Variants in PPFIA2 observed in about 807,000 individuals in gnomAD.
PPFIA2 encodes the protein liprin-alpha-2.
In PPFIA2, 46 loss-of-function variants were observed where a neutral mutation model predicts 175.5. That is an observed-to-expected ratio of 0.26 (90% CI 0.21 to 0.34). PPFIA2 has a LOEUF of 0.34. PPFIA2 is among the 10% of genes least tolerant of loss of function. The probability of loss-of-function intolerance (pLI) is 1.00; values close to 1 mark genes in which losing one functional copy is unlikely to be tolerated. For synonymous variants in PPFIA2, 568 were observed against 511.4 expected (o/e 1.11, Z -1.49); for missense variants, 1,179 against 1,506.1 (o/e 0.78, Z 3.60).
intron 4 of PPFIA2, among the ~76,000 whole-genome samples, chr12:81,613,877 T>C (rs2061180017): frequency 6.6e-6 from 1 of 152,184 alleles, no homozygotes. Context: ...TGCTGAATAG[T>C]CTTGAGAATT....
rs542316437 is a variant in PPFIA2, at chr12:81,535,482, A to G, written c.304-77616T>C. On this transcript the variant is annotated intron_variant, in intron 4 of 32. Coordinates refer to ENST00000549396, the MANE Select transcript of PPFIA2 (RefSeq NM_003625.5). ...ATCCTGAAAGGCAGAATCTCACTGT[A>G]GCAGGTGCCATGAGATCAGGTTGAG... 8 of 455,326 alleles carry G rather than the reference A, an allele frequency of 1.8e-5. No individual in the cohort carries two copies. In the East Asian group the frequency reaches 5.6e-4, roughly 32 times the overall value. 28.2% of individuals were successfully genotyped at this position (455,326 alleles called of 1,614,324 possible).
chr12:81,533,967 C>T (rs1337708313), intron 4 of PPFIA2, among the ~76,000 whole-genome samples: 1 of 151,340 alleles, frequency 6.6e-6, no homozygotes, highest in Non-Finnish European at 1.5e-5. Flanking sequence ...CATATATACA[C>T]AATAGAATAC....
chr12:81,512,340 T>A (rs1023069937), intron 4 of PPFIA2: 3 of 1,288,692 alleles, frequency 2.3e-6, no homozygotes, highest in Non-Finnish European at 3.0e-6. Flanking sequence ...CTATCTCTTA[T>A]GTACCTGCAG....
At chr12:81,404,827 T>A (rs1366625175) in intron 8 of PPFIA2, among the ~76,000 whole-genome samples, 1 of 152,200 alleles carries the variant, frequency 6.6e-6, no homozygotes, top group African/African-American at 2.4e-5. Flanking sequence ...TAATTTATAG[T>A]AAGAATTCTA....
At chr12:81,629,157 G>C (rs1006540858) in intron 4 of PPFIA2, among the ~76,000 whole-genome samples, 1 of 151,974 alleles carries the variant, frequency 6.6e-6, no homozygotes, top group Non-Finnish European at 1.5e-5. Context: ...ATGTAACAAG[G>C]ATTCAGGTTA....
At chr12:81,471,819 C>A (rs1039316916) in intron 4 of PPFIA2, among the ~76,000 whole-genome samples, 1 of 152,018 alleles carries the variant, frequency 6.6e-6, no homozygotes. Flanking sequence ...TTTTCTTTTG[C>A]TTTTCATTTT....
chr12:81,465,825 A>G (rs529439792), intron 4 of PPFIA2, among the ~76,000 whole-genome samples: 1 of 152,290 alleles, frequency 6.6e-6, no homozygotes, highest in African/African-American at 2.4e-5. Context: ...TTGCTGGTAA[A>G]AATTCAGAGG....
intron 4 of PPFIA2, among the ~76,000 whole-genome samples, chr12:81,497,086 A>T (rs543588718): frequency 6.6e-6 from 1 of 152,318 alleles, no homozygotes; most frequent in Admixed American, 6.5e-5. Flanking sequence ...GTCAACATAT[A>T]TGTCCTAACT....
intron 4 of PPFIA2, among the ~76,000 whole-genome samples, chr12:81,500,866 A>T (rs1195986669): frequency 1.3e-5 from 2 of 152,198 alleles, no homozygotes; most frequent in South Asian, 2.1e-4. Flanking sequence ...TTCTCTTTGT[A>T]AATAGACTTG....
At chr12:81,722,207 CA>C (rs1366809621) in intron 3 of PPFIA2, among the ~76,000 whole-genome samples, 1 of 150,962 alleles carries the variant, frequency 6.6e-6, no homozygotes, top group African/African-American at 2.4e-5. Context: ...CAGTCTTCCC[CA>C]AGCCCCACGT....
At chr12:81,655,155 C>T (rs2067580789) in intron 4 of PPFIA2, among the ~76,000 whole-genome samples, 1 of 151,978 alleles carries the variant, frequency 6.6e-6, no homozygotes, top group Admixed American at 6.6e-5. Context: ...GTGATATACT[C>T]TTACTGAGTT....
At chr12:81,517,544 C>A (rs539149471) in intron 4 of PPFIA2, among the ~76,000 whole-genome samples, 2 of 152,218 alleles carry the variant, frequency 1.3e-5, no homozygotes, top group South Asian at 4.1e-4. Flanking sequence ...TGCTTGTTGG[C>A]AGATAGAACA....
At chr12:81,422,109 T>C (rs1423487963) in intron 7 of PPFIA2, among the ~76,000 whole-genome samples, 5 of 146,398 alleles carry the variant, frequency 3.4e-5, no homozygotes, top group East Asian at 2.0e-4. Context: ...TGTGTATATA[T>C]ATGTGTATAT....
At chr12:81,597,828 A>G in intron 4 of PPFIA2, 1 of 960,932 alleles carries the variant, frequency 1.0e-6, no homozygotes, top group African/African-American at 1.6e-5. Flanking sequence ...CACATTATTC[A>G]TTCCATACAT....
chr12:81,681,163 C>A (rs1292829267), intron 3 of PPFIA2, among the ~76,000 whole-genome samples: 1 of 151,992 alleles, frequency 6.6e-6, no homozygotes, highest in Non-Finnish European at 1.5e-5. Flanking sequence ...CTGCTTCACA[C>A]TGGTATCCTC....
At chr12:81,642,294 T>C (rs1489576258) in intron 4 of PPFIA2, among the ~76,000 whole-genome samples, 1 of 151,972 alleles carries the variant, frequency 6.6e-6, no homozygotes, top group Non-Finnish European at 1.5e-5. Context: ...TTAGCTCCAG[T>C]TATAGAACAA....
At chr12:81,512,400 T>C (rs2061911967) in intron 4 of PPFIA2, 1 of 1,268,424 alleles carries the variant, frequency 7.9e-7, no homozygotes, top group African/African-American at 1.5e-5. Context: ...CTAAACTTTG[T>C]GATGCTGGAC....
chr12:81,526,965 G>A (rs994223184), intron 4 of PPFIA2, among the ~76,000 whole-genome samples: 2 of 152,100 alleles, frequency 1.3e-5, no homozygotes, highest in Non-Finnish European at 2.9e-5. Flanking sequence ...ATTTAAATTA[G>A]CCTTTGATCA....
chr12:81,290,184 C>A (rs376341556), intron 24 of PPFIA2, among the ~76,000 whole-genome samples: 1 of 151,452 alleles, frequency 6.6e-6, no homozygotes, highest in African/African-American at 2.4e-5. Flanking sequence ...AAGCCCAAAC[C>A]TCAGTGTGCA....
Sources: gnomAD v4.1 joint callset for allele counts (sites outside exome capture counted in the v4.1 genomes callset) on GRCh38, gnomAD v4.1.1 for gene constraint, MANE v1.5 for transcripts, NCBI Gene and HGNC (gene_info 2026-07-23, HGNC 2026-07-21) for gene names.